The following NCKIPSD variants were observed in gnomAD, a reference collection of about 807,000 sequenced individuals.
The protein encoded by NCKIPSD is NCK-interacting protein with SH3 domain.
In NCKIPSD, 48 loss-of-function variants were observed where a neutral mutation model predicts 73.4. The ratio of observed to expected loss-of-function variants is 0.65; its 90% CI spans 0.52 to 0.83. The LOEUF is 0.83. Among genes scored for constraint, NCKIPSD ranks in the 40% least tolerant of loss-of-function variants. The pLI is 0.00. For synonymous variants in NCKIPSD, 422 were observed against 403.6 expected (o/e 1.05, Z -0.54); for missense variants, 884 against 970.2 (o/e 0.91, Z 1.18).
intron 2 of NCKIPSD, 22 bp downstream of exon 2, chr3:48,682,881 C>G: frequency 1.3e-6 from 2 of 1,538,276 alleles, no homozygotes; most frequent in Admixed American, 2.0e-5. Context: ...GGAGGTCCCA[C>G]TTCACTCCCC....
In NCKIPSD at chr3:48,681,497, G is replaced by A. The variant is rs1265773720; in HGVS notation, c.882C>T (p.Ser294=). 1.9e-6 allele frequency: 3 copies of A among 1,614,172 alleles called. No homozygotes were observed. The highest frequency in any genetic ancestry group is 1.7e-6 in the Non-Finnish European group (2 of 1,180,040). The change falls in exon 5 of 13, where the codon AGC becomes AGT. Residue 294 remains serine, a synonymous_variant. Transcript: ENST00000294129. The part of the protein sequence containing the change: ...SDDLEALGTL[S]LGTTEEKAAA... ...CTGCCTTCTCCTCTGTGGTCCCCAGGCTCAGTGTACCCAGGGCTTCCAGGT... is the reference window on the plus strand; with the variant it reads ...CTGCCTTCTCCTCTGTGGTCCCCAGACTCAGTGTACCCAGGGCTTCCAGGT...
chr3:48,683,032 G>A lies in NCKIPSD; in HGVS notation c.172-20C>T. 6.5e-7 allele frequency: 1 copy of A among 1,548,532 alleles called. No homozygotes were observed. The highest frequency in any genetic ancestry group is 8.7e-7 in the Non-Finnish European group (1 of 1,146,864). On this transcript the variant is annotated intron_variant, in intron 1 of 12. Coordinates refer to ENST00000294129, the MANE Select transcript of NCKIPSD (RefSeq NM_016453.4). ...CAGGCCCTGGGGGGGGCAGGGGACA[G>A]CAGTTAGACCTGAAGGCCAAACGGA...
chr3:48,685,228 A>AGGTT (rs2077419057), intron 1 of NCKIPSD, among the ~76,000 whole-genome samples: 1 of 33,808 alleles, frequency 3.0e-5, no homozygotes, highest in Non-Finnish European at 6.6e-5. Context: ...GGAGGGAGGG[A>AGGTT]GGTTGGTTGT....
Position 48,685,767 on chromosome 3 carries a change from T to G in NCKIPSD, c.41A>C (p.Asn14Thr). ...CTCGCCCGCGGCGAACGCCAGCGCGTTGGGCTCCGCCGAGCGGAACGCGTA... is the reference window on the plus strand; with the variant it reads ...CTCGCCCGCGGCGAACGCCAGCGCGGTGGGCTCCGCCGAGCGGAACGCGTA... ...ALYAFRSAEP[N>T]ALAFAAGETF... Residue 14 changes from asparagine to threonine, a missense_variant, in exon 1 of 13, where the codon AAC becomes ACC. Transcript: ENST00000294129. The G allele has an allele frequency of 6.5e-7, 1 of 1,532,974 alleles. No homozygotes were observed. The highest frequency in any genetic ancestry group is 2.5e-5 in the East Asian group (1 of 39,418). 95.0% of individuals were successfully genotyped at this position (1,532,974 alleles called of 1,614,324 possible).
rs1338181051 is a variant in NCKIPSD at position 48,674,607 on chromosome 3, C to T, written c.2106G>A (p.Met702Ile). ...ACATCTCTCGGACAATCATGCGGTC[C>T]ATCTGGCACTGGGGTGAGGTCTCCT... is the stretch of plus-strand genomic sequence containing the variant. ...NEEETSPQCQ[M>I]DRMIVREMCK... The change falls in exon 13 of 13, where the codon ATG becomes ATA. Residue 702 changes from methionine (M) to isoleucine (I), a missense_variant. By Grantham distance (10) the Met-to-Ile change is conservative (BLOSUM62 1). Coordinates refer to ENST00000294129, the MANE Select transcript of NCKIPSD (RefSeq NM_016453.4). 6.2e-7 allele frequency: 1 copy of T among 1,611,560 alleles called. No homozygotes were observed. Among genetic ancestry groups the T allele is most frequent in the Non-Finnish European group, 8.5e-7 (1 of 1,179,014 alleles).
In NCKIPSD at chr3:48,681,514, C is replaced by T. The variant is rs2077352750; in HGVS notation, c.865G>A (p.Ala289Thr). The T allele has an allele frequency of 1.2e-6, 2 of 1,614,188 alleles. No individual in the cohort carries two copies. Among genetic ancestry groups the T allele is most frequent in the African/African-American group, 1.3e-5 (1 of 75,062 alleles). The change falls in exon 5 of 13, where the codon GCC becomes ACC. Residue 289 changes from alanine to threonine, a missense_variant. Coordinates refer to ENST00000294129, the MANE Select transcript of NCKIPSD (RefSeq NM_016453.4). ...GTTSASDDLE[A>T]LGTLSLGTTE... ...GTCCCCAGGCTCAGTGTACCCAGGGCTTCCAGGTCATCAGAGGCTGAGGTT... is the reference window on the plus strand; with the variant it reads ...GTCCCCAGGCTCAGTGTACCCAGGGTTTCCAGGTCATCAGAGGCTGAGGTT...
In NCKIPSD at chr3:48,679,174, C is replaced by A. The variant is rs2077305789; in HGVS notation, c.1580G>T (p.Gly527Val). ...AVPYAHYEHLGTPFAQFLLNI... is the reference protein window; with the variant it reads ...AVPYAHYEHLVTPFAQFLLNI... Reference sequence around the variant, plus strand: ...CAGTAGGAACTGGGCGAAAGGCGTGCCCAGGTGCTCTGGGAGAGGGGCGCA... The same window carrying A: ...CAGTAGGAACTGGGCGAAAGGCGTGACCAGGTGCTCTGGGAGAGGGGCGCA... Residue 527 changes from glycine to valine, a missense_variant, in exon 10 of 13, where the codon GGC becomes GTC. Coordinates refer to ENST00000294129, the MANE Select transcript of NCKIPSD (RefSeq NM_016453.4). The A allele has an allele frequency of 6.8e-6, 11 of 1,614,026 alleles. No individual in the cohort carries two copies. The highest frequency in any genetic ancestry group is 9.3e-6 in the Non-Finnish European group (11 of 1,179,962).
At position 48,674,705 on chromosome 3, in the gene NCKIPSD, T is replaced by C. The variant is rs771958504; in HGVS notation, c.2008A>G (p.Thr670Ala). The change falls in exon 13 of 13, where the codon ACC (threonine) becomes GCC (alanine). Residue 670 changes from threonine to alanine, a missense_variant. Physicochemically the swap from Thr to Ala is moderately conservative, Grantham distance 58 (BLOSUM62 0). Transcript: ENST00000294129. ...YLSLMHAIVR[T>A]TPYLQHRHRL... ...TGGCGGTGCTGCAGGTAGGGTGTGG[T>C]GCGGACTATAGCATGCATCAGGGAG... is the stretch of plus-strand genomic sequence containing the variant. The C allele has an allele frequency of 6.2e-7, 1 of 1,613,902 alleles. No homozygotes were observed. Among genetic ancestry groups the C allele is most frequent in the Non-Finnish European group, 8.5e-7 (1 of 1,179,970 alleles).
At position 48,674,538 on chromosome 3, in the gene NCKIPSD, A is replaced by G; in HGVS notation, c.*6T>C. ...GGAGCTGCAGGGAAGGGAGGACAGC[A>G]AGGTGCTAGCTGGGAGCCTCCCCCA... On this transcript the variant is annotated 3_prime_UTR_variant, in exon 13 of 13. Transcript: ENST00000294129. 1.3e-6 allele frequency: 2 copies of G among 1,580,228 alleles called. No homozygotes were observed. The highest frequency in any genetic ancestry group is 1.7e-6 in the Non-Finnish European group (2 of 1,161,874).
At chr3:48,685,278 T>TG (rs1405847689) in intron 1 of NCKIPSD, among the ~76,000 whole-genome samples, 3 of 149,372 alleles carry the variant, frequency 2.0e-5, no homozygotes, top group Non-Finnish European at 4.4e-5. Context: ...ATTAAGGATC[T>TG]GGGGTCTCAG....
chr3:48,681,370 T>C lies in NCKIPSD; in HGVS notation c.1009A>G (p.Ile337Val), dbSNP rs748328065. The change falls in exon 5 of 13, where the codon ATC becomes GTC. Residue 337 changes from isoleucine (I) to valine (V), a missense_variant. By Grantham distance (29) the Ile-to-Val change is conservative. Transcript: ENST00000294129. Reference protein sequence around the residue: ...SHELCRVAIGIIVGHIQASVP... With the variant: ...SHELCRVAIGVIVGHIQASVP... ...GAGGCCTGGATGTGACCCACTATGA[T>C]GCCGATGGCCACCCGGCATAATTCG... The C allele has an allele frequency of 1.1e-5, 17 of 1,611,884 alleles. No individual in the cohort carries two copies. In the Admixed American group the frequency reaches 2.7e-4, roughly 25 times the overall value.
At chr3:48,676,957 T>C (rs1305022750) in intron 12 of NCKIPSD, among the ~76,000 whole-genome samples, 1 of 150,598 alleles carries the variant, frequency 6.6e-6, no homozygotes, top group Admixed American at 6.6e-5. Context: ...TTTTCGTATT[T>C]TGTATTTTTA....
At position 48,681,503 on chromosome 3, in the gene NCKIPSD, T is replaced by C. The variant is rs993605612; in HGVS notation, c.876A>G (p.Thr292=). ...TCTCCTCTGTGGTCCCCAGGCTCAGTGTACCCAGGGCTTCCAGGTCATCAG... is the reference window on the plus strand; with the variant it reads ...TCTCCTCTGTGGTCCCCAGGCTCAGCGTACCCAGGGCTTCCAGGTCATCAG... ...SASDDLEALG[T]LSLGTTEEKA... is the part of the protein sequence containing the mutation. The change falls in exon 5 of 13, where the codon ACA becomes ACG. Residue 292 remains threonine (T), a synonymous_variant. Transcript: ENST00000294129. 2.5e-6 allele frequency: 4 copies of C among 1,614,170 alleles called. 1 individual carries two copies. The South Asian group carries it at 4.4e-5, about 18-fold the overall frequency.
intron 12 of NCKIPSD, among the ~76,000 whole-genome samples, chr3:48,677,117 G>A (rs574749866): frequency 3.3e-5 from 5 of 150,406 alleles, no homozygotes; most frequent in Admixed American, 6.6e-5. Flanking sequence ...GGCCAGGCAC[G>A]GTGGCTCACA....
chr3:48,680,672 G>T (rs1019125276), intron 5 of NCKIPSD, among the ~76,000 whole-genome samples: 1 of 151,954 alleles, frequency 6.6e-6, no homozygotes, highest in African/African-American at 2.4e-5. Flanking sequence ...AACCAGAAGT[G>T]TAACAGGAAC....
At chr3:48,684,210 C>G (rs2077400669) in intron 1 of NCKIPSD, among the ~76,000 whole-genome samples, 1 of 152,094 alleles carries the variant, frequency 6.6e-6, no homozygotes, top group South Asian at 2.1e-4. Flanking sequence ...TCGCAGCAAT[C>G]CAGACAGAAA....
chr3:48,681,135 T>C (rs1159067422), intron 5 of NCKIPSD, 152 bp downstream of exon 5: 4 of 1,221,026 alleles, frequency 3.3e-6, no homozygotes, highest in Non-Finnish European at 4.5e-6. Flanking sequence ...TCCTTTCTGC[T>C]TCAGAAATCA....
At chr3:48,678,519 A>G (rs2077290591) in intron 12 of NCKIPSD, 45 bp downstream of exon 12, 2 of 1,554,656 alleles carry the variant, frequency 1.3e-6, no homozygotes, top group African/African-American at 1.4e-5. Flanking sequence ...ATTTTGTTTC[A>G]GTTTCCACAC....
At chr3:48,677,398 C>T (rs2077271893) in intron 12 of NCKIPSD, among the ~76,000 whole-genome samples, 1 of 151,416 alleles carries the variant, frequency 6.6e-6, no homozygotes, top group South Asian at 2.1e-4. Context: ...AAACAAACAA[C>T]AACAACAAAA....
Sources: allele counts gnomAD v4.1 joint callset (sites outside exome capture counted in the v4.1 genomes callset), GRCh38; gene constraint gnomAD v4.1.1; transcripts MANE v1.5; gene names NCBI Gene and HGNC (gene_info 2026-07-23, HGNC 2026-07-21).